FGF9: variants seen among roughly 807,000 people sequenced by gnomAD.
FGF9 encodes the protein fibroblast growth factor 9, also known as fibroblast growth factor 9 (glia-activating factor).
A neutral mutation model predicts 19.9 loss-of-function variants in FGF9; 3 were observed. That is an observed-to-expected ratio of 0.15 (90% CI 0.07 to 0.39). The LOEUF is 0.39. Among genes scored for constraint, FGF9 ranks in the 10% least tolerant of loss-of-function variants. FGF9 has a pLI of 1.00. For synonymous variants in FGF9, 107 were observed against 106.9 expected, an observed-to-expected ratio of 1.00 and a Z score of -0.01; for missense variants, 175 against 256.8, an observed-to-expected ratio of 0.68 and a Z score of 2.18.
intron 2 of FGF9, among the ~76,000 whole-genome samples, chr13:21,682,243 C>T (rs925187093): frequency 6.6e-6 from 1 of 151,912 alleles, no homozygotes; most frequent in Non-Finnish European, 1.5e-5. Flanking sequence ...GAACTCCTGG[C>T]CTCAAGTGAT....
intron 1 of FGF9, among the ~76,000 whole-genome samples, chr13:21,676,986 G>A (rs1871931254): frequency 6.6e-6 from 1 of 152,182 alleles, no homozygotes; most frequent in Non-Finnish European, 1.5e-5. Flanking sequence ...GGTCCGGTGT[G>A]GTGATTTTCC....
rs1331162422 is a variant in FGF9 at position 21,704,258 on chromosome 13, C to T, written c.*2823C>T. The T allele has an allele frequency of 6.6e-6, 1 of 152,192 alleles. No homozygotes were observed. Among genetic ancestry groups the T allele is most frequent in the Non-Finnish European group, 1.5e-5 (1 of 68,042 alleles). 9.4% of individuals were successfully genotyped at this position (152,192 alleles called of 1,614,324 possible). ...TACCGAGCATGGGCTGAACAACCTT[C>T]CCATCTGTCATGTGAATGTCCCCAA... is the stretch of plus-strand genomic sequence containing the variant. On this transcript the variant is annotated 3_prime_UTR_variant, in exon 3 of 3. Transcript: ENST00000382353.
chr13:21,682,872 T>A (rs1180280123), intron 2 of FGF9, among the ~76,000 whole-genome samples: 1 of 152,072 alleles, frequency 6.6e-6, no homozygotes, highest in East Asian at 1.9e-4. Context: ...CCAAAAAAAT[T>A]TTTTTTGAAT....
At chr13:21,684,304 A>G (rs1242680589) in intron 2 of FGF9, among the ~76,000 whole-genome samples, 1 of 151,122 alleles carries the variant, frequency 6.6e-6, no homozygotes, top group African/African-American at 2.4e-5. Context: ...CTGTTCCCTA[A>G]TGTATCTAAA....
chr13:21,689,083 G>A (rs12323144), intron 2 of FGF9, among the ~76,000 whole-genome samples: 1,723 of 152,278 alleles, frequency 0.011, 35 homozygotes, highest in African/African-American at 0.039. Context: ...AACATGCTCA[G>A]GAATCCCGGA....
Position 21,701,554 on chromosome 13 carries a change from G to T in FGF9, c.*119G>T, listed in dbSNP as rs1392397273. On this transcript the variant is annotated 3_prime_UTR_variant, in exon 3 of 3. Coordinates refer to ENST00000382353, the MANE Select transcript of FGF9 (RefSeq NM_002010.3). ...AGCTCCACTGTTGCCAAACTTTGTC[G>T]CATGCATAATGTATGATGGAGGCTT... 7.2e-7 allele frequency: 1 copy of T among 1,380,092 alleles called. No individual in the cohort carries two copies. Among genetic ancestry groups the T allele is most frequent in the South Asian group, 1.2e-5 (1 of 84,374 alleles). The allele number at this position is 1,380,092 out of a possible 1,614,324, so 85.5% of individuals were successfully genotyped here.
chr13:21,684,316 G>A (rs976242765), intron 2 of FGF9, among the ~76,000 whole-genome samples: 1 of 152,030 alleles, frequency 6.6e-6, no homozygotes, highest in Non-Finnish European at 1.5e-5. Flanking sequence ...GTATCTAAAG[G>A]GCATGGACCA....
intron 2 of FGF9, among the ~76,000 whole-genome samples, chr13:21,684,785 C>T (rs1039035232): frequency 5.9e-5 from 9 of 152,220 alleles, no homozygotes; most frequent in Admixed American, 2.0e-4. Flanking sequence ...TTGAATTTCT[C>T]AGCCTTCTTT....
chr13:21,698,454 CAAGACACTTATTACTAACCTGTTGTA>C (rs1872466007), intron 2 of FGF9, among the ~76,000 whole-genome samples: 1 of 152,196 alleles, frequency 6.6e-6, no homozygotes, highest in Non-Finnish European at 1.5e-5. Context: ...AACCCTGCCT[CAAGACACTTATTACTAACCTGTTGTA>C]AAGATGAGGT....
intron 2 of FGF9, among the ~76,000 whole-genome samples, chr13:21,700,063 AC>A (rs1303867398): frequency 2.7e-5 from 4 of 150,234 alleles, no homozygotes; most frequent in African/African-American, 7.4e-5. Flanking sequence ...TTTTGTTGTT[AC>A]TGCCCATGAG....
At chr13:21,674,525 C>A (rs940275897) in intron 1 of FGF9, among the ~76,000 whole-genome samples, 3 of 142,200 alleles carry the variant, frequency 2.1e-5, no homozygotes, top group African/African-American at 7.5e-5. Context: ...GGGAGCGCGG[C>A]GGGGGCGCAC....
At chr13:21,677,355 TTCTC>T (rs1478354279) in intron 1 of FGF9, among the ~76,000 whole-genome samples, 2 of 152,174 alleles carry the variant, frequency 1.3e-5, no homozygotes, top group African/African-American at 4.8e-5. Context: ...TTCTTTCCCT[TTCTC>T]TCTCCTTGAT....
chr13:21,694,494 G>T (rs762972262), intron 2 of FGF9, among the ~76,000 whole-genome samples: 9 of 152,112 alleles, frequency 5.9e-5, no homozygotes, highest in Non-Finnish European at 1.2e-4. Flanking sequence ...CAGCCTTTTA[G>T]CTTTCCATTT....
At chr13:21,692,617 G>T (rs1224003215) in intron 2 of FGF9, among the ~76,000 whole-genome samples, 1 of 152,188 alleles carries the variant, frequency 6.6e-6, no homozygotes, top group Non-Finnish European at 1.5e-5. Flanking sequence ...GATTAGAGAA[G>T]ATGACGCCTA....
intron 2 of FGF9, among the ~76,000 whole-genome samples, chr13:21,690,413 C>T (rs1565951765): frequency 6.6e-6 from 1 of 152,020 alleles, no homozygotes; most frequent in Non-Finnish European, 1.5e-5. Context: ...TTGCTCACAC[C>T]CACTCACACA....
In FGF9 at chr13:21,702,126, G is replaced by A. The variant is rs1335310576; in HGVS notation, c.*691G>A. The A allele has an allele frequency of 6.6e-6, 1 of 151,818 alleles. No homozygotes were observed. The highest frequency in any genetic ancestry group is 1.5e-5 in the Non-Finnish European group (1 of 67,968). 9.4% of individuals were successfully genotyped at this position (151,818 alleles called of 1,614,324 possible). On this transcript the variant is annotated 3_prime_UTR_variant, in exon 3 of 3. Coordinates refer to ENST00000382353, the MANE Select transcript of FGF9 (RefSeq NM_002010.3). Reference sequence around the variant, plus strand: ...AATGAAACATGTACAGGCCAGATAGGCATTTTGGAAGCTTTAGGCTCTGTA... The same window carrying A: ...AATGAAACATGTACAGGCCAGATAGACATTTTGGAAGCTTTAGGCTCTGTA...
At chr13:21,681,508 A>G (rs2138134297) in intron 2 of FGF9, among the ~76,000 whole-genome samples, 1 of 152,346 alleles carries the variant, frequency 6.6e-6, no homozygotes, top group African/African-American at 2.4e-5. Flanking sequence ...TAAAACTAGA[A>G]ATAGACCATG....
chr13:21,692,492 C>T (rs565632335), intron 2 of FGF9, among the ~76,000 whole-genome samples: 3 of 152,164 alleles, frequency 2.0e-5, no homozygotes, highest in Admixed American at 6.5e-5. Flanking sequence ...GCACAGGCCC[C>T]GGGATCGCCA....
chr13:21,690,888 G>C (rs773939301), intron 2 of FGF9, among the ~76,000 whole-genome samples: 2 of 152,216 alleles, frequency 1.3e-5, no homozygotes, highest in Non-Finnish European at 2.9e-5. Context: ...GTTGCTAAGC[G>C]CAAGAAGGCT....
Sources: gnomAD v4.1 joint callset for allele counts (sites outside exome capture counted in the v4.1 genomes callset) on GRCh38, gnomAD v4.1.1 for gene constraint, MANE v1.5 for transcripts, NCBI Gene and HGNC (gene_info 2026-07-23, HGNC 2026-07-21) for gene names.